XRRA1: variants seen among roughly 807,000 people sequenced by gnomAD.
The protein encoded by XRRA1 is X-ray radiation resistance associated 1, also known as X-ray radiation resistance-associated protein 1.
Under a neutral mutation model 80.2 loss-of-function variants are expected in XRRA1, and 69 were observed. The observed-to-expected ratio is 0.86, with a 90% CI of 0.71 to 1.05. The LOEUF (loss-of-function observed/expected upper bound fraction) is 1.05, where lower values mean the gene tolerates loss of function less well. XRRA1 is among the 50% of genes least tolerant of loss of function. The pLI, the probability that XRRA1 is intolerant of heterozygous loss-of-function variation, is 0.00. For missense variants in XRRA1, 967 were observed against 976.4 expected (o/e 0.99, Z 0.13); for synonymous variants, 348 against 389.9 (o/e 0.89, Z 1.27).
chr11:74,874,785 G>A (rs746512292), intron 10 of XRRA1, among the ~76,000 whole-genome samples: 1 of 152,204 alleles, frequency 6.6e-6, no homozygotes, highest in Non-Finnish European at 1.5e-5. Flanking sequence ...TGAACAAGTT[G>A]TGGTACAGAC....
rs1228783055 is a variant in XRRA1, at chr11:74,845,589, A to AGTG, written c.1729-319_1729-318insCAC. ...TACGGAGCAATGGGGAGAGGTGTGG[A>AGTG]CTGCAAGTGATGAGAAAGAATGATT... On this transcript the variant is annotated intron_variant, in intron 15 of 18. Coordinates refer to ENST00000684022, the MANE Select transcript of XRRA1 (RefSeq NM_001378157.1). Among the ~76,000 whole-genome samples, 22 of 152,324 alleles carry AGTG rather than the reference A, an allele frequency of 1.4e-4. 1 individual carries two copies. The highest frequency in any genetic ancestry group is 8.3e-4 in the South Asian group (4 of 4,830).
At chr11:74,901,043 T>C (rs889599703) in intron 10 of XRRA1, among the ~76,000 whole-genome samples, 3 of 152,186 alleles carry the variant, frequency 2.0e-5, no homozygotes, top group African/African-American at 4.8e-5. Flanking sequence ...TGATCTTATA[T>C]TGGAAAAACC....
chr11:74,854,008 G>A (rs1416452118), intron 12 of XRRA1, among the ~76,000 whole-genome samples: 2 of 152,050 alleles, frequency 1.3e-5, no homozygotes, highest in East Asian at 3.9e-4. Flanking sequence ...AGGATGGGGA[G>A]GTACAAGAGA....
At chr11:74,854,729 C>G (rs1379004492) in intron 12 of XRRA1, among the ~76,000 whole-genome samples, 1 of 152,134 alleles carries the variant, frequency 6.6e-6, no homozygotes, top group Non-Finnish European at 1.5e-5. Context: ...TAGAATACTA[C>G]CTTTCTCTGG....
intron 7 of XRRA1, among the ~76,000 whole-genome samples, chr11:74,925,171 A>G (rs1941921207): frequency 6.6e-6 from 1 of 152,268 alleles, no homozygotes; most frequent in Admixed American, 6.5e-5. Flanking sequence ...GAAATGTCCC[A>G]GAGAGGGTAC....
chr11:74,895,286 T>C (rs1291831166), intron 10 of XRRA1, among the ~76,000 whole-genome samples: 1 of 152,164 alleles, frequency 6.6e-6, no homozygotes, highest in Non-Finnish European at 1.5e-5. Flanking sequence ...CGAGGGACCT[T>C]ACATTGAACT....
rs1245499924 is a variant in XRRA1 at position 74,933,813 on chromosome 11, C to T, written c.339G>A (p.Leu113=). 1 of 1,596,286 alleles carries T rather than the reference C, an allele frequency of 6.3e-7. No individual in the cohort carries two copies. Among genetic ancestry groups the T allele is most frequent in the Non-Finnish European group, 8.5e-7 (1 of 1,171,034 alleles). The change falls in exon 5 of 19, where the codon CTG becomes CTA. Residue 113 remains leucine, a synonymous_variant. Coordinates refer to ENST00000684022, the MANE Select transcript of XRRA1 (RefSeq NM_001378157.1). The stretch of plus-strand genomic sequence containing the variant: ...TGGCTGACCTCACCTTGGAGAACTT[C>T]AGGCCACTCACATTAATGGTGCACA... The part of the protein sequence containing the change: ...SDLCTINVSG[L]KFSKAKENDF...
At chr11:74,844,136 C>T in intron 17 of XRRA1, 32 bp downstream of exon 17, 1 of 1,591,456 alleles carries the variant, frequency 6.3e-7, no homozygotes. Context: ...TACTCAGGGG[C>T]CATTTACACA....
At chr11:74,922,404 G>T (rs1486805770) in intron 7 of XRRA1, among the ~76,000 whole-genome samples, 1 of 152,136 alleles carries the variant, frequency 6.6e-6, no homozygotes, top group African/African-American at 2.4e-5. Context: ...CAAGGGGTCA[G>T]TCAGAAAACC....
chr11:74,863,272 C>T, intron 10 of XRRA1: 2 of 515,872 alleles, frequency 3.9e-6, no homozygotes, highest in Non-Finnish European at 7.0e-6. Flanking sequence ...ATGATTGGGC[C>T]CCTGCCTACT....
intron 10 of XRRA1, among the ~76,000 whole-genome samples, chr11:74,901,504 C>CA: frequency 6.6e-6 from 1 of 152,078 alleles, no homozygotes; most frequent in Non-Finnish European, 1.5e-5. Context: ...GCAAAAAGAA[C>CA]AAAACTAGAG....
intron 15 of XRRA1, among the ~76,000 whole-genome samples, chr11:74,846,909 A>G (rs946676026): frequency 1.3e-5 from 2 of 151,326 alleles, no homozygotes; most frequent in Non-Finnish European, 2.9e-5. Context: ...ATTAGGCCAG[A>G]AAAAAAAAGA....
chr11:74,877,452 T>G (rs947024360), intron 10 of XRRA1, among the ~76,000 whole-genome samples: 7 of 151,376 alleles, frequency 4.6e-5, no homozygotes, highest in Non-Finnish European at 8.8e-5. Flanking sequence ...ATAATGGGAT[T>G]CTTTTTTTTT....
At chr11:74,859,853 G>A (rs1565251123) in intron 11 of XRRA1, among the ~76,000 whole-genome samples, 2 of 152,178 alleles carry the variant, frequency 1.3e-5, no homozygotes, top group South Asian at 2.1e-4. Context: ...AATGTGGCAT[G>A]CTGCAGCTGG....
intron 2 of XRRA1, among the ~76,000 whole-genome samples, chr11:74,943,756 G>A (rs1946919904): frequency 6.6e-6 from 1 of 152,002 alleles, no homozygotes; most frequent in Non-Finnish European, 1.5e-5. Flanking sequence ...TTAGAACAAT[G>A]TGCAGGCCAA....
intron 10 of XRRA1, among the ~76,000 whole-genome samples, chr11:74,893,553 T>TA (rs1384822659): frequency 7.6e-6 from 1 of 131,248 alleles, no homozygotes. Context: ...TGAAGTATAA[T>TA]AAAAAATAAA....
chr11:74,912,923 A>G (rs2138513893), intron 8 of XRRA1, among the ~76,000 whole-genome samples: 1 of 152,328 alleles, frequency 6.6e-6, no homozygotes, highest in Non-Finnish European at 1.5e-5. Flanking sequence ...GTGCTAAATT[A>G]GGCCTTGTAA....
At chr11:74,912,593 A>C (rs1334136794) in intron 8 of XRRA1, among the ~76,000 whole-genome samples, 1 of 152,174 alleles carries the variant, frequency 6.6e-6, no homozygotes, top group Non-Finnish European at 1.5e-5. Flanking sequence ...GCAGAGACTG[A>C]AGACTAGCTT....
At position 74,845,254 on chromosome 11, in the gene XRRA1, G is replaced by A. The variant is rs56260810; in HGVS notation, c.1746C>T (p.Ser582=). ...IFLTQVSELP[S]SVIHKDDLEL... ...CTAAATCATCCTTATGGATGACGGA[G>A]GAAGGCAGTTCACTCACCTGTGCCC... The change falls in exon 16 of 19, where the codon TCC becomes TCT. Residue 582 remains serine (S), a synonymous_variant. Coordinates refer to ENST00000684022, the MANE Select transcript of XRRA1 (RefSeq NM_001378157.1). The A allele has an allele frequency of 6.2e-7, 1 of 1,613,210 alleles. No homozygotes were observed. The highest frequency in any genetic ancestry group is 1.1e-5 in the South Asian group (1 of 90,988).
Sources: gnomAD v4.1 joint callset for allele counts (sites outside exome capture counted in the v4.1 genomes callset) on GRCh38, gnomAD v4.1.1 for gene constraint, MANE v1.5 for transcripts, NCBI Gene and HGNC (gene_info 2026-07-23, HGNC 2026-07-21) for gene names.